The following MYO10 variants were observed in gnomAD, a reference collection of about 807,000 sequenced individuals.
MYO10 encodes unconventional myosin-X.
Under a neutral mutation model 257.3 loss-of-function variants are expected in MYO10, and 133 were observed. That is an observed-to-expected ratio of 0.52 (90% CI 0.45 to 0.60). The LOEUF is 0.60. MYO10 is among the 20% of genes least tolerant of loss of function. The pLI, the probability that MYO10 is intolerant of heterozygous loss-of-function variation, is 0.00. For synonymous variants in MYO10, 1,104 were observed against 1,028.6 expected, an observed-to-expected ratio of 1.07 and a Z score of -1.40; for missense variants, 2,399 against 2,635.7, an observed-to-expected ratio of 0.91 and a Z score of 1.97.
At chr5:16,757,342 A>ACACACACACACACACC (rs1740565871) in intron 18 of MYO10, among the ~76,000 whole-genome samples, 1 of 147,922 alleles carries the variant, frequency 6.8e-6, no homozygotes, top group African/African-American at 2.5e-5. Flanking sequence ...ACACACACAC[A>ACACACACACACACACC]CGGAAAAAAA....
chr5:16,747,964 A>G (rs1362726020), intron 19 of MYO10, among the ~76,000 whole-genome samples: 1 of 149,206 alleles, frequency 6.7e-6, no homozygotes, highest in Non-Finnish European at 1.5e-5. Flanking sequence ...AAAAAGATAC[A>G]GGAAGAAAAA....
chr5:16,845,847 C>G (rs1359773759), intron 2 of MYO10, among the ~76,000 whole-genome samples: 2 of 151,886 alleles, frequency 1.3e-5, no homozygotes, highest in African/African-American at 4.8e-5. Context: ...ACCTGTAGTC[C>G]CAGCTACTCG....
At chr5:16,741,950 C>G in intron 19 of MYO10, 1 of 985,354 alleles carries the variant, frequency 1.0e-6, no homozygotes, top group Non-Finnish European at 1.2e-6. Flanking sequence ...TGGTGCGTCT[C>G]GGGCTGTGCT....
intron 39 of MYO10, among the ~76,000 whole-genome samples, chr5:16,669,083 TAAC>T (rs1214770896): frequency 6.6e-6 from 1 of 152,140 alleles, no homozygotes; most frequent in Non-Finnish European, 1.5e-5. Context: ...ATGAAGGGGC[TAAC>T]AACACAGGGC....
intron 1 of MYO10, among the ~76,000 whole-genome samples, chr5:16,890,910 C>T (rs893009761): frequency 2.0e-5 from 3 of 151,834 alleles, no homozygotes; most frequent in African/African-American, 7.3e-5. Context: ...CTAGAAAACA[C>T]TATGCTAAGT....
intron 16 of MYO10, 105 bp downstream of exon 16, chr5:16,761,940 A>G (rs1740724622): frequency 3.3e-6 from 4 of 1,213,598 alleles, no homozygotes. Context: ...GGCTCATGTG[A>G]GCCACCATGC....
chr5:16,853,560 G>A (rs1160132808), intron 2 of MYO10, among the ~76,000 whole-genome samples: 1 of 152,164 alleles, frequency 6.6e-6, no homozygotes, highest in Admixed American at 6.5e-5. Flanking sequence ...TACTTCAACA[G>A]AAGAGGCATG....
intron 2 of MYO10, among the ~76,000 whole-genome samples, chr5:16,859,506 G>A (rs960057357): frequency 6.6e-6 from 1 of 152,184 alleles, no homozygotes; most frequent in Admixed American, 6.5e-5. Flanking sequence ...AGTGCTTTGG[G>A]AGGCTGAGGC....
At chr5:16,699,183 C>T (rs981507621) in intron 26 of MYO10, among the ~76,000 whole-genome samples, 2 of 152,048 alleles carry the variant, frequency 1.3e-5, no homozygotes, top group Non-Finnish European at 2.9e-5. Context: ...TTCGTCCTGC[C>T]ACTCTGCACC....
At chr5:16,767,358 A>G (rs1403515421) in intron 10 of MYO10, among the ~76,000 whole-genome samples, 3 of 151,532 alleles carry the variant, frequency 2.0e-5, no homozygotes, top group Non-Finnish European at 4.4e-5. Context: ...TTTAGTAGCG[A>G]CGGGTTTCAC....
chr5:16,748,117 C>T (rs1011649178), intron 19 of MYO10, among the ~76,000 whole-genome samples: 8 of 152,038 alleles, frequency 5.3e-5, no homozygotes, highest in Admixed American at 6.6e-5. Context: ...TTGCACAGGC[C>T]GAAGTGCACT....
chr5:16,720,246 G>C (rs546026505), intron 19 of MYO10, among the ~76,000 whole-genome samples: 5 of 152,182 alleles, frequency 3.3e-5, no homozygotes, highest in Admixed American at 3.3e-4. Flanking sequence ...GCCAAACAAA[G>C]GAGCTGAGCA....
chr5:16,897,540 G>A (rs1399724159), intron 1 of MYO10, among the ~76,000 whole-genome samples: 1 of 152,228 alleles, frequency 6.6e-6, no homozygotes, highest in African/African-American at 2.4e-5. Context: ...GACTTCTACA[G>A]AATGCAGATG....
intron 9 of MYO10, among the ~76,000 whole-genome samples, chr5:16,778,688 G>GTTTT (rs55880979): frequency 1.6e-4 from 17 of 107,530 alleles, no homozygotes; most frequent in African/African-American, 4.0e-4. Flanking sequence ...CTTTGCTGAG[G>GTTTT]TTTTTTTTTT....
At chr5:16,860,742 G>A (rs253474) in intron 2 of MYO10, among the ~76,000 whole-genome samples, 4,590 of 152,126 alleles carry the variant, frequency 0.03, 223 homozygotes, top group African/African-American at 0.11. Context: ...ATGAGGGCCC[G>A]TGATGAACGA....
intron 2 of MYO10, among the ~76,000 whole-genome samples, chr5:16,869,537 C>T (rs1385008677): frequency 6.6e-6 from 1 of 151,996 alleles, no homozygotes; most frequent in Non-Finnish European, 1.5e-5. Flanking sequence ...CCACTGCACC[C>T]CAGCCTAGAT....
chr5:16,884,760 G>A (rs780619419), intron 1 of MYO10, among the ~76,000 whole-genome samples: 6 of 150,974 alleles, frequency 4.0e-5, no homozygotes, highest in Non-Finnish European at 8.8e-5. Context: ...CAAAGCACAC[G>A]TGGCTTTTAT....
chr5:16,679,607 C>T lies in MYO10; in HGVS notation c.4542+340G>A, dbSNP rs143365229. Among the ~76,000 whole-genome samples the T allele has an allele frequency of 3.8e-3, 580 of 150,760 alleles. 3 individuals carry two copies. The highest frequency in any genetic ancestry group is 0.014 in the African/African-American group (556 of 40,856). ...TGGAATGATCTCTGCTCACTGCAAC[C>T]TCTGCCTCGGAGGTTCAAGCAAGTC... On this transcript the variant is annotated intron_variant, in intron 33 of 40. Coordinates refer to ENST00000513610, the MANE Select transcript of MYO10 (RefSeq NM_012334.3).
chr5:16,685,422 G>C (rs1737203854), intron 29 of MYO10, among the ~76,000 whole-genome samples: 1 of 151,874 alleles, frequency 6.6e-6, no homozygotes, highest in South Asian at 2.1e-4. Flanking sequence ...ATGTTTCTCA[G>C]GTTGGTCTTG....
Sources: gnomAD v4.1 joint callset for allele counts (sites outside exome capture counted in the v4.1 genomes callset) on GRCh38, gnomAD v4.1.1 for gene constraint, MANE v1.5 for transcripts, NCBI Gene and HGNC (gene_info 2026-07-23, HGNC 2026-07-21) for gene names.